PIK3C2G: variants seen among roughly 807,000 people sequenced by gnomAD.
The protein encoded by PIK3C2G is phosphatidylinositol 3-kinase C2 domain-containing subunit gamma.
Under a neutral mutation model 181.1 loss-of-function variants are expected in PIK3C2G, and 168 were observed. The ratio of observed to expected loss-of-function variants is 0.93; its 90% CI spans 0.82 to 1.05. The LOEUF (loss-of-function observed/expected upper bound fraction) is 1.05. PIK3C2G is among the 50% of genes least tolerant of loss of function. The pLI is 0.00. For missense variants in PIK3C2G, 1,869 were observed against 1,732.8 expected (o/e 1.08, Z -1.40); for synonymous variants, 573 against 592.2 (o/e 0.97, Z 0.47).
At chr12:18,378,694 G>T (rs1392002714) in intron 13 of PIK3C2G, among the ~76,000 whole-genome samples, 1 of 152,128 alleles carries the variant, frequency 6.6e-6, no homozygotes, top group African/African-American at 2.4e-5. Flanking sequence ...CCATCAAAAA[G>T]TGGGCAAAGG....
intron 11 of PIK3C2G, among the ~76,000 whole-genome samples, chr12:18,356,360 G>T (rs1185870760): frequency 6.6e-6 from 1 of 152,132 alleles, no homozygotes; most frequent in Non-Finnish European, 1.5e-5. Context: ...ACAGGAGGGG[G>T]AACACGCCGG....
intron 25 of PIK3C2G, among the ~76,000 whole-genome samples, chr12:18,540,414 C>G (rs1944089679): frequency 6.6e-6 from 1 of 151,762 alleles, no homozygotes; most frequent in African/African-American, 2.4e-5. Flanking sequence ...TAAAATTATG[C>G]TGATGAAAAC....
In PIK3C2G at chr12:18,594,519, T is replaced by C. The variant is rs1947251038; in HGVS notation, c.4037T>C (p.Leu1346Pro). ...TNSDCVLSFFLSEAVQQTVEE... is the reference protein window; with the variant it reads ...TNSDCVLSFFPSEAVQQTVEE... ...AGTGATTGTGTACTTAGCTTTTTCC[T>C]CTCTGAGGCTGTGCAACAAACAGTT... The change falls in exon 30 of 33, where the codon CTC (leucine) becomes CCC (proline). Residue 1346 changes from leucine (L) to proline (P), a missense_variant. Coordinates refer to ENST00000538779, the MANE Select transcript of PIK3C2G (RefSeq NM_001288772.2). 1 of 1,554,266 alleles carries C rather than the reference T, an allele frequency of 6.4e-7. No individual in the cohort carries two copies. Among genetic ancestry groups the C allele is most frequent in the Non-Finnish European group, 8.6e-7 (1 of 1,157,066 alleles).
chr12:18,283,791 C>T (rs868796287), intron 2 of PIK3C2G, among the ~76,000 whole-genome samples: 4 of 152,248 alleles, frequency 2.6e-5, no homozygotes, highest in Middle Eastern at 6.8e-3. Context: ...AACTACTAAA[C>T]TTTCCCTACT....
At chr12:18,670,846 A>G in the PIK3C2G span, among the ~76,000 whole-genome samples, 1 of 152,156 alleles carries the variant, frequency 6.6e-6, no homozygotes, top group Non-Finnish European at 1.5e-5. Flanking sequence ...ACTTGATCAA[A>G]TCAGTTAGGA....
At chr12:18,699,883 T>C in the PIK3C2G span, 3 of 1,612,832 alleles carry the variant, frequency 1.9e-6, no homozygotes, top group South Asian at 2.2e-5. Context: ...TTGAAAGCTT[T>C]TGAATTTCTC....
At chr12:18,322,281 C>G (rs1951146899) in intron 7 of PIK3C2G, among the ~76,000 whole-genome samples, 1 of 151,528 alleles carries the variant, frequency 6.6e-6, no homozygotes, top group Non-Finnish European at 1.5e-5. Context: ...ACTTGGGAGG[C>G]TGAGGCAGGA....
intron 31 of PIK3C2G, among the ~76,000 whole-genome samples, chr12:18,611,821 A>T (rs1417307543): frequency 6.6e-6 from 1 of 152,016 alleles, no homozygotes; most frequent in Non-Finnish European, 1.5e-5. Context: ...TTTCTCCTCC[A>T]CTGCTTCCAC....
intron 10 of PIK3C2G, among the ~76,000 whole-genome samples, chr12:18,344,696 A>G (rs1273876876): frequency 1.3e-5 from 2 of 152,140 alleles, no homozygotes; most frequent in African/African-American, 4.8e-5. Flanking sequence ...ATAAATCATG[A>G]TAGATTTTAA....
chr12:18,285,545 T>C (rs1177048689), intron 2 of PIK3C2G: 1 of 152,076 alleles, frequency 6.6e-6, no homozygotes, highest in Non-Finnish European at 1.5e-5. Context: ...AAAAACTATT[T>C]GACAATAATA....
chr12:18,360,162 A>G (rs1244801716), intron 11 of PIK3C2G, among the ~76,000 whole-genome samples: 1 of 151,686 alleles, frequency 6.6e-6, no homozygotes, highest in Admixed American at 6.6e-5. Flanking sequence ...TGTATCTTCC[A>G]TAAGTTTCAT....
At chr12:18,245,460 A>G (rs1256542883), upstream of PIK3C2G, among the ~76,000 whole-genome samples, 1 of 150,268 alleles carries the variant, frequency 6.7e-6, no homozygotes, top group Non-Finnish European at 1.5e-5. Flanking sequence ...CATTTAAAAA[A>G]TCTGTATTAA....
intron 16 of PIK3C2G, among the ~76,000 whole-genome samples, chr12:18,407,042 A>T (rs1944577486): frequency 6.6e-6 from 1 of 152,100 alleles, no homozygotes; most frequent in African/African-American, 2.4e-5. Flanking sequence ...TAACTTTAAA[A>T]CAAAGAGTAA....
intron 18 of PIK3C2G, among the ~76,000 whole-genome samples, chr12:18,459,637 T>A (rs987800460): frequency 6.6e-6 from 1 of 152,230 alleles, no homozygotes; most frequent in South Asian, 2.1e-4. Flanking sequence ...GAAATTTATA[T>A]TGAATCTGTT....
At chr12:18,303,103 T>TTCC (rs200786516) in intron 5 of PIK3C2G, among the ~76,000 whole-genome samples, 3,629 of 86,298 alleles carry the variant, frequency 0.042, 79 homozygotes, top group Middle Eastern at 0.082. Flanking sequence ...TTTCTTTCTC[T>TTCC]TTCTTTCTTT....
In PIK3C2G at chr12:18,346,704, G is replaced by C. The variant is rs1939704126; in HGVS notation, c.1493G>C (p.Cys498Ser). The change falls in exon 11 of 33, where the codon TGT (cysteine) becomes TCT (serine). Residue 498 changes from cysteine (C) to serine (S), a missense_variant. Coordinates refer to ENST00000538779, the MANE Select transcript of PIK3C2G (RefSeq NM_001288772.2). ...TSIYQLINVY[C>S]NSFYADFQPV... ...ATCTACCAGCTAATCAATGTCTACT[G>C]TAACAGCTTTTATGCAGATTTTCAG... is the stretch of plus-strand genomic sequence containing the variant. The C allele has an allele frequency of 1.9e-6, 3 of 1,613,098 alleles. No homozygotes were observed. Among genetic ancestry groups the C allele is most frequent in the Admixed American group, 3.3e-5 (2 of 59,946 alleles).
intron 26 of PIK3C2G, among the ~76,000 whole-genome samples, chr12:18,562,331 A>G (rs890321926): frequency 6.6e-6 from 1 of 152,116 alleles, no homozygotes; most frequent in Non-Finnish European, 1.5e-5. Flanking sequence ...ACAGGGTTTC[A>G]CCGTGTTAGC....
At chr12:18,280,191 C>T (rs961234851) in intron 1 of PIK3C2G, among the ~76,000 whole-genome samples, 2 of 151,834 alleles carry the variant, frequency 1.3e-5, no homozygotes, top group Non-Finnish European at 1.5e-5. Flanking sequence ...TTAAATAATA[C>T]GGTCAACAAA....
chr12:18,363,922 C>T (rs1941453938), intron 12 of PIK3C2G, among the ~76,000 whole-genome samples: 1 of 152,194 alleles, frequency 6.6e-6, no homozygotes, highest in African/African-American at 2.4e-5. Flanking sequence ...ATCTCCCCTT[C>T]TTTGGGTAAG....
Sources: allele counts gnomAD v4.1 joint callset (sites outside exome capture counted in the v4.1 genomes callset), GRCh38; gene constraint gnomAD v4.1.1; transcripts MANE v1.5; gene names NCBI Gene and HGNC (gene_info 2026-07-23, HGNC 2026-07-21).